SNX13: variants seen among roughly 807,000 people sequenced by gnomAD.
SNX13 encodes the protein sorting nexin 13, also known as sorting nexin-13.
A neutral mutation model predicts 133.6 loss-of-function variants in SNX13; 45 were observed. The ratio of observed to expected loss-of-function variants is 0.34; its 90% CI spans 0.27 to 0.43. The LOEUF is 0.43. Among genes scored for constraint, SNX13 ranks in the 20% least tolerant of loss-of-function variants. The pLI is 1.00. For synonymous variants in SNX13, 414 were observed against 373.9 expected, an observed-to-expected ratio of 1.11 and a Z score of -1.24; for missense variants, 1,032 against 1,145.1, an observed-to-expected ratio of 0.90 and a Z score of 1.43.
chr7:17,852,761 A>T (rs1255938717), intron 9 of SNX13, among the ~76,000 whole-genome samples: 1 of 152,238 alleles, frequency 6.6e-6, no homozygotes, highest in African/African-American at 2.4e-5. Flanking sequence ...GTACAGAAAG[A>T]AAGTGTAAAA....
Position 17,793,068 on chromosome 7 carries a change from T to C in SNX13, c.*977A>G, listed in dbSNP as rs1363796996. ...ATGTTTACTATGACTAATAAGCTCA[T>C]TAATCATTTAATTTGCTATTTCTGC... On this transcript the variant is annotated 3_prime_UTR_variant, in exon 26 of 26. Coordinates refer to ENST00000428135, the MANE Select transcript of SNX13 (RefSeq NM_015132.5). 6.6e-6 allele frequency: 1 copy of C among 152,274 alleles called. No homozygotes were observed. The highest frequency in any genetic ancestry group is 1.5e-5 in the Non-Finnish European group (1 of 67,842). The allele number at this position is 152,274 out of a possible 1,614,324, so 9.4% of individuals were successfully genotyped here. A position where few individuals can be genotyped will look rare whatever the true frequency, so the allele number is the denominator to read the frequency against.
intron 20 of SNX13, among the ~76,000 whole-genome samples, chr7:17,811,842 A>G (rs1786069161): frequency 6.6e-6 from 1 of 152,188 alleles, no homozygotes; most frequent in African/African-American, 2.4e-5. Flanking sequence ...AAATGACGCC[A>G]TACATCTACA....
chr7:17,887,872 G>GT (rs919655128), intron 5 of SNX13, among the ~76,000 whole-genome samples: 19 of 148,970 alleles, frequency 1.3e-4, no homozygotes, highest in African/African-American at 4.5e-4. Flanking sequence ...AAAAACCACA[G>GT]TTTTTTTCCA....
At chr7:17,885,036 A>G (rs1583619896) in intron 5 of SNX13, among the ~76,000 whole-genome samples, 1 of 152,264 alleles carries the variant, frequency 6.6e-6, no homozygotes. Flanking sequence ...TCCCTCAAAA[A>G]CTTGTACATG....
intron 7 of SNX13, among the ~76,000 whole-genome samples, chr7:17,873,958 G>C (rs576421027): frequency 2.0e-5 from 3 of 152,200 alleles, no homozygotes; most frequent in African/African-American, 7.2e-5. Flanking sequence ...ATACTTAAAA[G>C]TTATTCACAC....
chr7:17,808,310 A>AC, intron 20 of SNX13, among the ~76,000 whole-genome samples: 1 of 152,232 alleles, frequency 6.6e-6, no homozygotes, highest in Non-Finnish European at 1.5e-5. Context: ...TGAAGCATAC[A>AC]CAACTCTCAA....
At chr7:17,820,818 A>G (rs1787206065) in intron 18 of SNX13, among the ~76,000 whole-genome samples, 1 of 152,148 alleles carries the variant, frequency 6.6e-6, no homozygotes, top group Non-Finnish European at 1.5e-5. Flanking sequence ...ACTTTTTAAG[A>G]GTTAAAATAA....
intron 20 of SNX13, among the ~76,000 whole-genome samples, chr7:17,809,129 G>A (rs982253135): frequency 6.6e-6 from 1 of 151,950 alleles, no homozygotes; most frequent in African/African-American, 2.4e-5. Context: ...ATGTAAATGG[G>A]CTAAATGCCG....
intron 1 of SNX13, among the ~76,000 whole-genome samples, chr7:17,931,414 C>T (rs1407235066): frequency 1.3e-5 from 2 of 152,182 alleles, no homozygotes; most frequent in African/African-American, 2.4e-5. Context: ...AACTCTTCCA[C>T]TAAAATTGTA....
At chr7:17,845,764 A>T in intron 11 of SNX13, 70 bp from the exon 12 acceptor site, 1 of 1,091,948 alleles carries the variant, frequency 9.2e-7, no homozygotes, top group Non-Finnish European at 1.3e-6. Flanking sequence ...GTACATAAAT[A>T]TAAGGAAAAA....
chr7:17,812,705 T>C (rs549286603), intron 20 of SNX13, among the ~76,000 whole-genome samples: 15 of 152,168 alleles, frequency 9.9e-5, no homozygotes, highest in African/African-American at 2.9e-4. Flanking sequence ...CGTATGTTTA[T>C]TGCAGCACTG....
intron 12 of SNX13, among the ~76,000 whole-genome samples, chr7:17,845,153 TACACACACACACACAC>T (rs71010276): frequency 6.7e-6 from 1 of 148,822 alleles, no homozygotes; most frequent in African/African-American, 2.5e-5. Flanking sequence ...TGCGTGTGTG[TACACACACACACACAC>T]ACACACACGA....
At chr7:17,929,031 C>A (rs1583826128) in intron 1 of SNX13, among the ~76,000 whole-genome samples, 2 of 151,926 alleles carry the variant, frequency 1.3e-5, no homozygotes, top group South Asian at 4.2e-4. Context: ...GTTAAATTTT[C>A]TATTTTGGCT....
At position 17,922,403 on chromosome 7, in the gene SNX13, CT is replaced by C. The variant is rs1800219618; in HGVS notation, c.12+17880del. 2.0e-5 allele frequency among the ~76,000 whole-genome samples: 3 copies of C among 152,160 alleles called. 1 individual carries two copies. The South Asian group carries it at 6.2e-4, about 32-fold the overall frequency. On this transcript the variant is annotated intron_variant, in intron 1 of 25. Transcript: ENST00000428135. The stretch of plus-strand genomic sequence containing the variant: ...GTATATACCACATACTGTAAGTCTC[CT>C]GAGGGCATAAACTGTGTATGTTTTG...
intron 17 of SNX13, among the ~76,000 whole-genome samples, chr7:17,822,849 T>C (rs1188648188): frequency 6.6e-6 from 1 of 152,196 alleles, no homozygotes; most frequent in Non-Finnish European, 1.5e-5. Flanking sequence ...TTGCAGTACA[T>C]AATCACTTGA....
chr7:17,831,020 TTAAAATAAGTAAAA>T, intron 15 of SNX13: 1 of 984,466 alleles, frequency 1.0e-6, no homozygotes, highest in Non-Finnish European at 1.2e-6. Flanking sequence ...TTGGTGATAC[TTAAAATAAGTAAAA>T]TAGTTATCTA....
At chr7:17,900,537 T>G (rs368280883) in intron 1 of SNX13, among the ~76,000 whole-genome samples, 4 of 152,206 alleles carry the variant, frequency 2.6e-5, no homozygotes, top group African/African-American at 9.6e-5. Flanking sequence ...GATGAAGTCC[T>G]TCCCATTCTT....
chr7:17,869,879 GACAC>G (rs10569996), intron 8 of SNX13, among the ~76,000 whole-genome samples: 11 of 149,504 alleles, frequency 7.4e-5, no homozygotes, highest in South Asian at 2.1e-4. Flanking sequence ...CACACACACA[GACAC>G]ACACACACAC....
chr7:17,907,348 G>A (rs914495411), intron 1 of SNX13: 1 of 152,050 alleles, frequency 6.6e-6, no homozygotes. Context: ...ATCCTAGTAT[G>A]CAACAGAAAC....
Sources: gnomAD v4.1 joint callset for allele counts (sites outside exome capture counted in the v4.1 genomes callset) on GRCh38, gnomAD v4.1.1 for gene constraint, MANE v1.5 for transcripts, NCBI Gene and HGNC (gene_info 2026-07-23, HGNC 2026-07-21) for gene names.